The following MYO18A variants were observed in gnomAD, a reference collection of about 807,000 sequenced individuals.
MYO18A encodes the protein unconventional myosin-XVIIIa.
Under a neutral mutation model 235.8 loss-of-function variants are expected in MYO18A, and 78 were observed. The ratio of observed to expected loss-of-function variants is 0.33; its 90% CI spans 0.28 to 0.40. The LOEUF (loss-of-function observed/expected upper bound fraction) is 0.40, where lower values mean the gene tolerates loss of function less well. MYO18A is among the 10% of genes least tolerant of loss of function. MYO18A has a pLI of 1.00. For synonymous variants in MYO18A, 977 were observed against 1,077.8 expected (o/e 0.91, Z 1.83); for missense variants, 2,215 against 2,699.3 (o/e 0.82, Z 3.98).
rs1290904686 is a variant in MYO18A, at chr17:29,117,321, T to G, written c.2038+724A>C. On this transcript the variant is annotated intron_variant, in intron 10 of 41. Coordinates refer to ENST00000527372, the MANE Select transcript of MYO18A (RefSeq NM_078471.4). The surrounding 1 kb of genome is among the most constrained non-coding windows in gnomAD (Gnocchi z 4.6). ...CGTTACCACGGTGCCTGCTGCCCCC[T>G]AGTGGCCGCCACCCTGACATGCAAG... 6.6e-6 allele frequency among the ~76,000 whole-genome samples: 1 copy of G among 152,080 alleles called. No individual in the cohort carries two copies. The highest frequency in any genetic ancestry group is 2.4e-5 in the African/African-American group (1 of 41,424).
In MYO18A at chr17:29,115,450, C is replaced by A. The variant is rs747969192; in HGVS notation, c.2228-9G>T. ...TGCACTCAGTTTCGGGCCTGTGGGG[C>A]AGGGGGAGCAGCGCTATCTCCTTCT... On this transcript the variant is annotated splice_polypyrimidine_tract_variant and intron_variant, in intron 12 of 41. Transcript: ENST00000527372. 2 of 1,612,228 alleles carry A rather than the reference C, an allele frequency of 1.2e-6. No individual in the cohort carries two copies. The highest frequency in any genetic ancestry group is 2.2e-5 in the South Asian group (2 of 90,774).
chr17:29,084,532 C>T (rs1225939512), intron 40 of MYO18A, among the ~76,000 whole-genome samples: 1 of 152,162 alleles, frequency 6.6e-6, no homozygotes, highest in Non-Finnish European at 1.5e-5. Context: ...GGAATTAAAC[C>T]TCACGTCAAA....
chr17:29,171,465 T>C (rs915363124), intron 1 of MYO18A, among the ~76,000 whole-genome samples: 8 of 151,904 alleles, frequency 5.3e-5, no homozygotes, highest in African/African-American at 1.7e-4. Context: ...TGTGCATTCA[T>C]TGTTTGTAAA....
chr17:29,076,154 T>C (rs1376234365), intron 41 of MYO18A: 1 of 153,654 alleles, frequency 6.5e-6, no homozygotes, highest in Admixed American at 6.5e-5. Flanking sequence ...CCTAGGCATG[T>C]GAGATAGGCT....
intron 21 of MYO18A, among the ~76,000 whole-genome samples, chr17:29,100,010 G>C (rs1275088562): frequency 4.6e-5 from 7 of 152,256 alleles, no homozygotes; most frequent in African/African-American, 1.7e-4. Context: ...ACTTCAAAGA[G>C]AGATGAAAGG....
rs1171894595 is a variant in MYO18A at position 29,120,974 on chromosome 17, T to A, written c.1585+24A>T. On this transcript the variant is annotated intron_variant, in intron 6 of 41. Coordinates refer to ENST00000527372, the MANE Select transcript of MYO18A (RefSeq NM_078471.4). The surrounding 1 kb of genome is among the most constrained non-coding windows in gnomAD (Gnocchi z 4.2). ...TCCCCTCCCCTCACCCCACTTTCAGTTTTCTCCCTTGTCCCTGCCTCACCA... is the reference window on the plus strand; with the variant it reads ...TCCCCTCCCCTCACCCCACTTTCAGATTTCTCCCTTGTCCCTGCCTCACCA... 4 of 1,597,264 alleles carry A rather than the reference T, an allele frequency of 2.5e-6. No homozygotes were observed. In the African/African-American group the frequency reaches 5.4e-5, roughly 21 times the overall value.
chr17:29,131,352 C>G, intron 2 of MYO18A: 4 of 982,998 alleles, frequency 4.1e-6, no homozygotes, highest in Non-Finnish European at 4.8e-6. Flanking sequence ...CACACACACG[C>G]ATGCCTCGGA....
intron 2 of MYO18A, among the ~76,000 whole-genome samples, chr17:29,134,388 C>T (rs2067544511): frequency 6.6e-6 from 1 of 152,076 alleles, no homozygotes; most frequent in South Asian, 2.1e-4. Flanking sequence ...CGGCCAGAAG[C>T]TGTGTGCTTT....
intron 28 of MYO18A, 75 bp from the exon 29 acceptor site, chr17:29,095,134 T>C: frequency 5.5e-6 from 8 of 1,461,308 alleles, no homozygotes; most frequent in Non-Finnish European, 7.2e-6. Context: ...CAGGAGGTGG[T>C]GCCATGGACA....
intron 21 of MYO18A, 57 bp downstream of exon 21, chr17:29,103,542 C>T (rs942878840): frequency 3.2e-6 from 5 of 1,556,032 alleles, no homozygotes; most frequent in Non-Finnish European, 3.5e-6. Context: ...AGTGGGCCAG[C>T]CACCTGACAG....
chr17:29,112,243 T>C (rs1237998066), intron 15 of MYO18A, among the ~76,000 whole-genome samples: 2 of 152,112 alleles, frequency 1.3e-5, no homozygotes, highest in South Asian at 2.1e-4. Flanking sequence ...GGCAGTGGCA[T>C]AAAGTCTGGA....
rs1450670076 is a variant in MYO18A, at chr17:29,120,951, C to T, written c.1585+47G>A. The stretch of plus-strand genomic sequence containing the variant: ...TTAAGAGGGTGCTCTCTCCTCACTC[C>T]CCTCCCCTCACCCCACTTTCAGTTT... On this transcript the variant is annotated intron_variant, in intron 6 of 41. Transcript: ENST00000527372. This position sits in a 1 kb window ranked among gnomAD's most constrained non-coding sequence, Gnocchi z 4.2. The T allele has an allele frequency of 1.3e-6, 2 of 1,580,030 alleles. No individual in the cohort carries two copies. The highest frequency in any genetic ancestry group is 1.4e-5 in the African/African-American group (1 of 73,982).
intron 37 of MYO18A, among the ~76,000 whole-genome samples, chr17:29,087,431 T>G (rs1194934484): frequency 1.3e-5 from 2 of 152,144 alleles, no homozygotes; most frequent in Non-Finnish European, 2.9e-5. Context: ...TACAGCCTGG[T>G]GGGCCTGTCG....
In MYO18A at chr17:29,071,282, G is replaced by C. The variant is rs72815762; in HGVS notation, c.*3488C>G. 4,167 of 152,370 alleles carry C rather than the reference G, an allele frequency of 0.027. 72 individuals are homozygous for C. Among genetic ancestry groups the C allele is most frequent in the Non-Finnish European group, 0.035 (2,385 of 68,070 alleles). 9.4% of individuals were successfully genotyped at this position (152,370 alleles called of 1,614,324 possible). The stretch of plus-strand genomic sequence containing the variant: ...GATCTAGCAGGCTGGCTTTGAGCCT[G>C]GCAAAGGGCCAGATTTGCCTTCTGC... On this transcript the variant is annotated 3_prime_UTR_variant, in exon 42 of 42. Coordinates refer to ENST00000527372, the MANE Select transcript of MYO18A (RefSeq NM_078471.4).
rs1449747350 is a variant in MYO18A at position 29,073,732 on chromosome 17, A to G, written c.*1038T>C. 3.9e-6 allele frequency: 4 copies of G among 1,024,346 alleles called. No homozygotes were observed. The highest frequency in any genetic ancestry group is 5.8e-6 in the Non-Finnish European group (4 of 694,652). The allele number at this position is 1,024,346 out of a possible 1,614,324, so 63.5% of individuals were successfully genotyped here. On this transcript the variant is annotated 3_prime_UTR_variant, in exon 42 of 42. Coordinates refer to ENST00000527372, the MANE Select transcript of MYO18A (RefSeq NM_078471.4). The stretch of plus-strand genomic sequence containing the variant: ...CAGACCACATGGTGTTGTGTCTGGG[A>G]TAAGTGTGTGGGGGCAGGGAGGTTG...
chr17:29,103,744 T>C, intron 20 of MYO18A, 80 bp from the exon 21 acceptor site: 1 of 1,345,090 alleles, frequency 7.4e-7, no homozygotes, highest in East Asian at 2.3e-5. Context: ...CCTTGGCCCT[T>C]CCCCTCCCTC....
At chr17:29,080,897 C>T (rs1045117394) in intron 41 of MYO18A, 2 of 985,368 alleles carry the variant, frequency 2.0e-6, no homozygotes, top group African/African-American at 1.7e-5. Context: ...TCCGCGTCCC[C>T]GGTGCCCCCG....
chr17:29,138,495 T>C (rs984802498), intron 2 of MYO18A, among the ~76,000 whole-genome samples: 2 of 152,102 alleles, frequency 1.3e-5, no homozygotes, highest in African/African-American at 2.4e-5. Context: ...TATCTAGGGA[T>C]TGAGGGCGAG....
intron 2 of MYO18A, among the ~76,000 whole-genome samples, chr17:29,155,855 A>G (rs2068055710): frequency 6.6e-6 from 1 of 151,700 alleles, no homozygotes; most frequent in Non-Finnish European, 1.5e-5. Context: ...AAGGCCTCCC[A>G]CTCCCTCTCC....
Sources: allele counts gnomAD v4.1 joint callset (sites outside exome capture counted in the v4.1 genomes callset), GRCh38; gene constraint gnomAD v4.1.1; non-coding constraint Gnocchi (gnomAD v3.1); transcripts MANE v1.5; gene names NCBI Gene and HGNC (gene_info 2026-07-23, HGNC 2026-07-21).